Variants in NELL1 observed in about 807,000 individuals in gnomAD.
NELL1 encodes protein kinase C-binding protein NELL1.
NELL1 carries 76 observed loss-of-function variants against 107.4 expected under a neutral mutation model. That is an observed-to-expected ratio of 0.71 (90% CI 0.59 to 0.86). NELL1 has a LOEUF of 0.86. NELL1 is among the 40% of genes least tolerant of loss of function. The pLI is 0.00. For synonymous variants in NELL1, 353 were observed against 341.2 expected (o/e 1.03, Z -0.38); for missense variants, 1,024 against 1,005.5 (o/e 1.02, Z -0.25).
chr11:21,293,880 TG>T (rs1269029556), intron 14 of NELL1, among the ~76,000 whole-genome samples: 5 of 151,898 alleles, frequency 3.3e-5, no homozygotes, highest in Non-Finnish European at 5.9e-5. Flanking sequence ...AGTTGAACAA[TG>T]AAAACACATG....
At chr11:20,940,278 T>A (rs202002957) in intron 10 of NELL1, among the ~76,000 whole-genome samples, 1 of 138,868 alleles carries the variant, frequency 7.2e-6, no homozygotes, top group African/African-American at 2.6e-5. Flanking sequence ...TTTTTTTTTT[T>A]AGACCGGGTC....
intron 14 of NELL1, among the ~76,000 whole-genome samples, chr11:21,320,906 AT>A (rs1849994793): frequency 6.6e-6 from 1 of 152,202 alleles, no homozygotes; most frequent in Admixed American, 6.5e-5. Context: ...GACCAAGTTA[AT>A]TTAACATTAA....
intron 12 of NELL1, among the ~76,000 whole-genome samples, chr11:20,979,387 C>T (rs1027888350): frequency 2.6e-5 from 4 of 152,072 alleles, no homozygotes; most frequent in African/African-American, 9.7e-5. Flanking sequence ...TGTGTGCACA[C>T]GTGTGTGTTT....
At chr11:21,362,060 T>C (rs903093258) in intron 14 of NELL1, among the ~76,000 whole-genome samples, 5 of 152,226 alleles carry the variant, frequency 3.3e-5, no homozygotes, top group Admixed American at 2.0e-4. Context: ...TGTAGAGCCC[T>C]GTTTTGTCAT....
chr11:21,081,568 C>G (rs1044229485), intron 12 of NELL1, among the ~76,000 whole-genome samples: 1 of 152,120 alleles, frequency 6.6e-6, no homozygotes, highest in African/African-American at 2.4e-5. Context: ...ACTATCTCAG[C>G]TTATTATAGC....
chr11:21,321,042 G>A (rs1469983459), intron 14 of NELL1, among the ~76,000 whole-genome samples: 1 of 152,168 alleles, frequency 6.6e-6, no homozygotes, highest in Non-Finnish European at 1.5e-5. Context: ...ACATGACTTT[G>A]ACATTAATTT....
chr11:21,134,874 A>G (rs752208834), intron 13 of NELL1, among the ~76,000 whole-genome samples: 4 of 152,216 alleles, frequency 2.6e-5, no homozygotes, highest in Non-Finnish European at 5.9e-5. Flanking sequence ...ATGCACTTGT[A>G]TGAATTACTT....
chr11:21,047,164 A>G (rs960546738), intron 12 of NELL1, among the ~76,000 whole-genome samples: 2 of 152,140 alleles, frequency 1.3e-5, no homozygotes, highest in Non-Finnish European at 2.9e-5. Context: ...TAAGTATGAG[A>G]AATGTTGCTC....
In NELL1 at chr11:21,113,646, A is replaced by G. The variant is rs750058729; in HGVS notation, c.1358A>G (p.Asn453Ser). 7 of 1,612,220 alleles carry G rather than the reference A, an allele frequency of 4.3e-6. No individual in the cohort carries two copies. The highest frequency in any genetic ancestry group is 1.7e-5 in the Admixed American group (1 of 59,902). Residue 453 changes from asparagine (N) to serine (S), a missense_variant, in exon 13 of 20, where the codon AAC becomes AGC. Transcript: ENST00000357134. ...HYCHANTVCV[N>S]LPGLYRCDCV... ...TGTCATGCCAATACTGTGTGTGTCA[A>G]CCTTCCTGGGTTATATCGCTGTGAC... is the stretch of plus-strand genomic sequence containing the variant.
rs35814405 is a variant in NELL1, at chr11:21,560,217, C to A, written c.1815C>A (p.His605Gln). 1.2e-6 allele frequency: 2 copies of A among 1,613,602 alleles called. No homozygotes were observed. Among genetic ancestry groups the A allele is most frequent in the African/African-American group, 1.3e-5 (1 of 74,892 alleles). The change falls in exon 17 of 20, where the codon CAC becomes CAA. Residue 605 changes from histidine to glutamine, a missense_variant. Transcript: ENST00000357134. ...IDIDECALRTHTCWNDSACIN... is the reference protein window; with the variant it reads ...IDIDECALRTQTCWNDSACIN... Reference sequence around the variant, plus strand: ...TTGATGAATGTGCCTTAAGAACTCACACCTGTTGGAACGATTCTGCCTGCA... The same window carrying A: ...TTGATGAATGTGCCTTAAGAACTCAAACCTGTTGGAACGATTCTGCCTGCA...
chr11:21,426,024 T>G (rs1167240671), intron 15 of NELL1, among the ~76,000 whole-genome samples: 1 of 152,138 alleles, frequency 6.6e-6, no homozygotes, highest in Non-Finnish European at 1.5e-5. Flanking sequence ...GTGGGAAGAT[T>G]TGACATTTTT....
chr11:21,268,279 TA>T (rs773021314), intron 14 of NELL1, among the ~76,000 whole-genome samples: 21 of 152,286 alleles, frequency 1.4e-4, no homozygotes, highest in East Asian at 7.7e-4. Flanking sequence ...TTGTGAGCTT[TA>T]CATCCAGGAG....
intron 15 of NELL1, among the ~76,000 whole-genome samples, chr11:21,380,667 C>G (rs993027702): frequency 3.3e-5 from 5 of 152,004 alleles, no homozygotes; most frequent in Non-Finnish European, 5.9e-5. Context: ...CAACCCTGTC[C>G]TTGATCCTGC....
Position 20,895,404 on chromosome 11 carries a change from GTC to G in NELL1, c.603+9868_603+9869del, listed in dbSNP as rs1478371549. On this transcript the variant is annotated intron_variant, in intron 5 of 19. Transcript: ENST00000357134. ...CCATGTACCCCATTCACCCTTCCCA[GTC>G]TCTGTTATCTGTCTTTCCGCTCTCT... Among the ~76,000 whole-genome samples, 6 of 142,626 alleles carry G rather than the reference GTC, an allele frequency of 4.2e-5. No individual in the cohort carries two copies. In the South Asian group the frequency reaches 1.3e-3, roughly 32 times the overall value. The allele number at this position is 142,626 out of a possible 152,430, so 93.6% of individuals were successfully genotyped here. A position where few individuals can be genotyped will look rare whatever the true frequency, so the allele number is the denominator to read the frequency against.
At chr11:21,265,920 ATT>A (rs1236730190) in intron 14 of NELL1, among the ~76,000 whole-genome samples, 1 of 151,922 alleles carries the variant, frequency 6.6e-6, no homozygotes, top group East Asian at 1.9e-4. Flanking sequence ...TACTTTCCCT[ATT>A]TTTTGGTCAA....
At position 21,193,241 on chromosome 11, in the gene NELL1, T is replaced by C. The variant is rs553452384; in HGVS notation, c.1427-36091T>C. On this transcript the variant is annotated intron_variant, in intron 13 of 19. Transcript: ENST00000357134. ...GTTTTGCCCAAGAATGCGGTTCCTG[T>C]CGAAGAGGTTGGAATAGGACAGAAA... is the stretch of plus-strand genomic sequence containing the variant. Among the ~76,000 whole-genome samples, 24 of 151,936 alleles carry C rather than the reference T, an allele frequency of 1.6e-4. 1 individual carries two copies. Among genetic ancestry groups the C allele is most frequent in the African/African-American group, 5.8e-4 (24 of 41,242 alleles).
chr11:21,536,240 C>T (rs897149215), intron 16 of NELL1, among the ~76,000 whole-genome samples: 10 of 152,100 alleles, frequency 6.6e-5, no homozygotes, highest in African/African-American at 2.4e-4. Context: ...AGGTAGCCTT[C>T]CAAACCATAC....
intron 14 of NELL1, among the ~76,000 whole-genome samples, chr11:21,368,354 GGTT>G (rs925141507): frequency 2.0e-5 from 1 of 49,840 alleles, no homozygotes; most frequent in African/African-American, 8.9e-5. Flanking sequence ...TTTAGGCATT[GGTT>G]TTTTTTTTTT....
chr11:21,205,577 G>A (rs1027507867), intron 13 of NELL1, among the ~76,000 whole-genome samples: 11 of 152,294 alleles, frequency 7.2e-5, no homozygotes, highest in African/African-American at 2.4e-4. Flanking sequence ...GGGATCCACT[G>A]AGCACTTGGC....
Sources: gnomAD v4.1 joint callset for allele counts (sites outside exome capture counted in the v4.1 genomes callset) on GRCh38, gnomAD v4.1.1 for gene constraint, MANE v1.5 for transcripts, NCBI Gene and HGNC (gene_info 2026-07-23, HGNC 2026-07-21) for gene names.